ARHGAP26: variants seen among roughly 807,000 people sequenced by gnomAD.
ARHGAP26 encodes the protein rho GTPase-activating protein 26.
In ARHGAP26, 38 loss-of-function variants were observed where a neutral mutation model predicts 104.8. The ratio of observed to expected loss-of-function variants is 0.36; its 90% CI spans 0.28 to 0.48. The LOEUF is 0.48. ARHGAP26 is among the 20% of genes least tolerant of loss of function. The pLI is 0.99. For missense variants in ARHGAP26, 704 were observed against 947.9 expected, an observed-to-expected ratio of 0.74 and a Z score of 3.38; for synonymous variants, 341 against 340.0, an observed-to-expected ratio of 1.00 and a Z score of -0.03.
At chr5:142,946,688 T>C (rs1340319942) in intron 11 of ARHGAP26, 1 of 152,160 alleles carries the variant, frequency 6.6e-6, no homozygotes, top group African/African-American at 2.4e-5. Flanking sequence ...ATTAGGTTGT[T>C]TGCTTTGTGG....
At chr5:143,087,757 C>T (rs1040317326) in intron 17 of ARHGAP26, among the ~76,000 whole-genome samples, 1 of 143,214 alleles carries the variant, frequency 7.0e-6, no homozygotes, top group Non-Finnish European at 1.5e-5. Flanking sequence ...TCAAGTGATT[C>T]TTCTGCCTCA....
intron 17 of ARHGAP26, among the ~76,000 whole-genome samples, chr5:143,061,637 A>C (rs1786724381): frequency 6.6e-6 from 1 of 152,314 alleles, no homozygotes; most frequent in Middle Eastern, 3.4e-3. Context: ...AGCTGCAAGA[A>C]ACAGAAAATC....
chr5:143,006,316 C>CTGTT lies in ARHGAP26; in HGVS notation c.1108-7763_1108-7762insGTTT, dbSNP rs772059084. 5.4e-4 allele frequency among the ~76,000 whole-genome samples: 61 copies of CTGTT among 112,850 alleles called. 2 individuals are homozygous for CTGTT. The South Asian group carries it at 0.013, about 25-fold the overall frequency. 74.0% of individuals were successfully genotyped at this position (112,850 alleles called of 152,430 possible). A position where few individuals can be genotyped will look rare whatever the true frequency, so the allele number is the denominator to read the frequency against. Reference sequence around the variant, plus strand: ...ACCAACTCCACCTTTAGTGTTTTTTCTTTTTTTTTTTTTTTTTTTTTTAAT... The same window carrying CTGTT: ...ACCAACTCCACCTTTAGTGTTTTTTCTGTTTTTTTTTTTTTTTTTTTTTTTTAAT... On this transcript the variant is annotated intron_variant, in intron 11 of 22. Coordinates refer to ENST00000645722, the MANE Select transcript of ARHGAP26 (RefSeq NM_001135608.3).
At chr5:143,013,781 A>G (rs1443619179) in intron 11 of ARHGAP26, among the ~76,000 whole-genome samples, 1 of 152,178 alleles carries the variant, frequency 6.6e-6, no homozygotes, top group Non-Finnish European at 1.5e-5. Context: ...AACTAATTTT[A>G]ATTTTTTTCT....
intron 12 of ARHGAP26, among the ~76,000 whole-genome samples, chr5:143,018,994 T>C (rs149254121): frequency 6.6e-6 from 1 of 152,372 alleles, no homozygotes; most frequent in African/African-American, 2.4e-5. Flanking sequence ...AGACCACCAG[T>C]GTTTTTTATT....
intron 1 of ARHGAP26, among the ~76,000 whole-genome samples, chr5:142,823,897 T>G (rs1298038799): frequency 2.0e-5 from 3 of 152,258 alleles, no homozygotes; most frequent in South Asian, 4.1e-4. Context: ...GACAGAATTT[T>G]CACTTTTTAA....
intron 1 of ARHGAP26, among the ~76,000 whole-genome samples, chr5:142,781,031 G>A (rs1757387450): frequency 6.6e-6 from 1 of 152,254 alleles, no homozygotes; most frequent in Non-Finnish European, 1.5e-5. Context: ...CTGGCATGAA[G>A]CAGGCACAGT....
At chr5:143,007,623 G>A (rs931901579) in intron 11 of ARHGAP26, among the ~76,000 whole-genome samples, 8 of 152,184 alleles carry the variant, frequency 5.3e-5, no homozygotes, top group Non-Finnish European at 1.2e-4. Context: ...TGCCTAAATC[G>A]AATCCTGGCT....
intron 11 of ARHGAP26, among the ~76,000 whole-genome samples, chr5:142,938,592 G>C (rs1468486436): frequency 6.6e-6 from 1 of 152,166 alleles, no homozygotes; most frequent in Non-Finnish European, 1.5e-5. Context: ...AAAGAAAGTA[G>C]AATAGAATTT....
intron 1 of ARHGAP26, among the ~76,000 whole-genome samples, chr5:142,840,905 T>C (rs748422880): frequency 3.9e-5 from 6 of 152,188 alleles, no homozygotes; most frequent in African/African-American, 7.2e-5. Flanking sequence ...TAAAAGGAAG[T>C]AGTACTTTCA....
chr5:142,949,206 A>AGGAGAGAG lies in ARHGAP26; in HGVS notation c.1107+17082_1107+17083insGAGAGAGG, dbSNP rs1384997365. Among the ~76,000 whole-genome samples the AGGAGAGAG allele has an allele frequency of 8.1e-4, 43 of 53,164 alleles. 2 individuals are homozygous for AGGAGAGAG. In the South Asian group the frequency reaches 9.4e-3, roughly 12 times the overall value. 34.9% of individuals were successfully genotyped at this position (53,164 alleles called of 152,430 possible). A position where few individuals can be genotyped will look rare whatever the true frequency, so the allele number is the denominator to read the frequency against. On this transcript the variant is annotated intron_variant, in intron 11 of 22. Transcript: ENST00000645722. Reference sequence around the variant, plus strand: ...GAGAGAGAGAGAGAGAGAGAGAGAGAGAGAGAGAGAGAGAGGAGAGAGAGA... The same window carrying AGGAGAGAG: ...GAGAGAGAGAGAGAGAGAGAGAGAGAGGAGAGAGGAGAGAGAGAGAGAGGAGAGAGAGA...
intron 17 of ARHGAP26, among the ~76,000 whole-genome samples, chr5:143,078,457 G>A (rs1365419810): frequency 6.6e-6 from 1 of 152,148 alleles, no homozygotes; most frequent in African/African-American, 2.4e-5. Context: ...TCCCTCGGCT[G>A]TGGACACTGA....
chr5:142,781,726 T>C (rs1757525723), intron 1 of ARHGAP26, among the ~76,000 whole-genome samples: 1 of 152,210 alleles, frequency 6.6e-6, no homozygotes, highest in African/African-American at 2.4e-5. Flanking sequence ...CATGGCTTTT[T>C]TTTGAGATGG....
intron 20 of ARHGAP26, among the ~76,000 whole-genome samples, chr5:143,206,487 G>T (rs985829180): frequency 6.6e-6 from 1 of 152,138 alleles, no homozygotes; most frequent in Admixed American, 6.5e-5. Flanking sequence ...GTTTCAGTTC[G>T]TTTTTTTCAT....
At chr5:143,022,353 A>G (rs575294039) in intron 12 of ARHGAP26, among the ~76,000 whole-genome samples, 3 of 152,218 alleles carry the variant, frequency 2.0e-5, no homozygotes, top group African/African-American at 4.8e-5. Context: ...GATTACAGGC[A>G]TGAGCCACTG....
At chr5:143,208,052 G>A (rs1475991076) in intron 21 of ARHGAP26, among the ~76,000 whole-genome samples, 1 of 152,202 alleles carries the variant, frequency 6.6e-6, no homozygotes, top group East Asian at 1.9e-4. Context: ...TGAAGCCTGA[G>A]CTGTCCTGGG....
At chr5:143,031,432 G>C (rs543989366) in intron 12 of ARHGAP26, among the ~76,000 whole-genome samples, 1 of 152,304 alleles carries the variant, frequency 6.6e-6, no homozygotes, top group Non-Finnish European at 1.5e-5. Flanking sequence ...TGATGATGAT[G>C]ATGAAGAAAT....
chr5:143,083,608 C>A lies in ARHGAP26; in HGVS notation c.1538+25861C>A, dbSNP rs529408260. Among the ~76,000 whole-genome samples, 4 of 152,264 alleles carry A rather than the reference C, an allele frequency of 2.6e-5. No individual in the cohort carries two copies. In the South Asian group the frequency reaches 8.3e-4, roughly 32 times the overall value. On this transcript the variant is annotated intron_variant, in intron 17 of 22. Transcript: ENST00000645722. Reference sequence around the variant, plus strand: ...CCGCCTCCTGGGTTCAAGCGATGCTCCTGCCTCAGCCTTCCAAGTAGCTGT... The same window carrying A: ...CCGCCTCCTGGGTTCAAGCGATGCTACTGCCTCAGCCTTCCAAGTAGCTGT...
chr5:142,953,626 A>G (rs1562145663), intron 11 of ARHGAP26, among the ~76,000 whole-genome samples: 2 of 152,188 alleles, frequency 1.3e-5, no homozygotes, highest in African/African-American at 4.8e-5. Flanking sequence ...CTGGTTCACT[A>G]TTTTGGGACT....
Sources: gnomAD v4.1 joint callset for allele counts (sites outside exome capture counted in the v4.1 genomes callset) on GRCh38, gnomAD v4.1.1 for gene constraint, MANE v1.5 for transcripts, NCBI Gene and HGNC (gene_info 2026-07-23, HGNC 2026-07-21) for gene names.